Variants in PGR observed in about 807,000 individuals in gnomAD.
PGR encodes nuclear receptor subfamily 3 group C member 3.
In PGR, 25 loss-of-function variants were observed where a neutral mutation model predicts 76.1. The observed-to-expected ratio is 0.33, with a 90% CI of 0.24 to 0.46. PGR has a LOEUF of 0.46. Among genes scored for constraint, PGR ranks in the 20% least tolerant of loss-of-function variants. PGR has a pLI of 1.00. For missense variants in PGR, 1,172 were observed against 1,225.3 expected, an observed-to-expected ratio of 0.96 and a Z score of 0.65; for synonymous variants, 579 against 535.0, an observed-to-expected ratio of 1.08 and a Z score of -1.14.
intron 2 of PGR, among the ~76,000 whole-genome samples, chr11:101,115,314 C>T (rs2135492341): frequency 6.6e-6 from 1 of 151,908 alleles, no homozygotes; most frequent in East Asian, 1.9e-4. Context: ...ATCTTTTTCC[C>T]CTTGAAATCA....
At chr11:101,089,203 T>C (rs1861595185) in intron 3 of PGR, among the ~76,000 whole-genome samples, 1 of 151,876 alleles carries the variant, frequency 6.6e-6, no homozygotes. Flanking sequence ...TAAATAGAGC[T>C]GCGATAGCTG....
At chr11:101,122,747 GGGAAACCCAGTCATCCA>G (rs1379969845) in intron 2 of PGR, among the ~76,000 whole-genome samples, 1 of 152,040 alleles carries the variant, frequency 6.6e-6, no homozygotes, top group Non-Finnish European at 1.5e-5. Flanking sequence ...CTCATATCCA[GGGAAACCCAGTCATCCA>G]GAATGACTTT....
intron 4 of PGR, among the ~76,000 whole-genome samples, chr11:101,055,108 A>G (rs573849404): frequency 6.6e-6 from 1 of 152,184 alleles, no homozygotes; most frequent in East Asian, 1.9e-4. Flanking sequence ...AACAAATTAT[A>G]TATTTCATAT....
chr11:101,063,065 T>C, intron 3 of PGR: 1 of 258,068 alleles, frequency 3.9e-6, no homozygotes, highest in East Asian at 9.9e-5. Context: ...GGAGAAGATA[T>C]GAATAAAAAG....
At chr11:101,084,713 T>C (rs1287342901) in intron 3 of PGR, among the ~76,000 whole-genome samples, 1 of 150,090 alleles carries the variant, frequency 6.7e-6, no homozygotes, top group Non-Finnish European at 1.5e-5. Flanking sequence ...GACTCATCCA[T>C]CTTCTGTATT....
chr11:101,118,805 CAAG>C (rs1185344458), intron 2 of PGR, among the ~76,000 whole-genome samples: 1 of 152,156 alleles, frequency 6.6e-6, no homozygotes, highest in Non-Finnish European at 1.5e-5. Context: ...CATCTAGCCA[CAAG>C]AAGGATATTG....
At chr11:101,090,907 A>T (rs970307044) in intron 3 of PGR, among the ~76,000 whole-genome samples, 1 of 152,334 alleles carries the variant, frequency 6.6e-6, no homozygotes, top group Admixed American at 6.5e-5. Context: ...GCATTTCCCA[A>T]AGGAAAATAC....
chr11:101,084,840 T>A (rs1056495668), intron 3 of PGR, among the ~76,000 whole-genome samples: 2 of 152,174 alleles, frequency 1.3e-5, no homozygotes, highest in East Asian at 3.9e-4. Flanking sequence ...TTAGATTAGA[T>A]AAAACAGACT....
Position 101,091,799 on chromosome 11 carries a change from G to A in PGR, c.1867C>T (p.Arg623Cys), listed in dbSNP as rs752817186. 1.2e-6 allele frequency: 2 copies of A among 1,608,400 alleles called. No homozygotes were observed. Among genetic ancestry groups the A allele is most frequent in the Non-Finnish European group, 1.7e-6 (2 of 1,174,808 alleles). Residue 623 changes from arginine (R) to cysteine (C), a missense_variant, in exon 3 of 8, where the codon CGC becomes TGC. Around this residue, in one of 4 missense-constraint regions of PGR, gnomAD observed 40 missense variants for 82.7 expected, o/e 0.48. Transcript: ENST00000325455. ...KIRRKNCPAC[R>C]LRKCCQAGMV... ...CCAGCCTGACAGCACTTTCTAAGGC[G>A]ACATGCTGGGCAGTTTTTTCTGCGG...
chr11:101,067,334 G>C (rs921985308), intron 3 of PGR, among the ~76,000 whole-genome samples: 2 of 151,964 alleles, frequency 1.3e-5, no homozygotes, highest in East Asian at 1.9e-4. Flanking sequence ...GAAAGAAAAG[G>C]CATGAACAGA....
chr11:101,073,831 A>T (rs1181578230), intron 3 of PGR, among the ~76,000 whole-genome samples: 1 of 152,188 alleles, frequency 6.6e-6, no homozygotes, highest in Non-Finnish European at 1.5e-5. Flanking sequence ...AAATTGAGGC[A>T]GTAATTAATA....
At chr11:101,073,060 C>A (rs1860999483) in intron 3 of PGR, among the ~76,000 whole-genome samples, 1 of 152,110 alleles carries the variant, frequency 6.6e-6, no homozygotes, top group Non-Finnish European at 1.5e-5. Context: ...CTAAAATTGA[C>A]CACATAATTG....
chr11:101,092,403 C>T (rs1236726286), intron 2 of PGR, among the ~76,000 whole-genome samples: 3 of 152,158 alleles, frequency 2.0e-5, no homozygotes, highest in Admixed American at 6.5e-5. Context: ...AATGGAAGAG[C>T]ATGTAAAAAA....
intron 2 of PGR, among the ~76,000 whole-genome samples, chr11:101,101,782 T>G (rs1862004141): frequency 6.6e-6 from 1 of 152,212 alleles, no homozygotes; most frequent in Non-Finnish European, 1.5e-5. Context: ...GTTTGAAAAA[T>G]TAGTATCTAA....
At position 101,127,371 on chromosome 11, in the gene PGR, C is replaced by T. The variant is rs11571154; in HGVS notation, c.1637+63G>A. 4,450 of 1,280,976 alleles carry T rather than the reference C, an allele frequency of 3.5e-3. 107 individuals carry two copies. In the African/African-American group the frequency reaches 0.064, roughly 19 times the overall value. 79.4% of individuals were successfully genotyped at this position (1,280,976 alleles called of 1,614,324 possible). ...GGGGCTGGGGCTGAGGGTTGGCGGCCGCCGCCGCCAACGGAACCGCTACTC... is the reference window on the plus strand; with the variant it reads ...GGGGCTGGGGCTGAGGGTTGGCGGCTGCCGCCGCCAACGGAACCGCTACTC... On this transcript the variant is annotated intron_variant, in intron 1 of 7. Transcript: ENST00000325455.
chr11:101,084,734 A>T (rs867789424), intron 3 of PGR, among the ~76,000 whole-genome samples: 9 of 152,230 alleles, frequency 5.9e-5, no homozygotes, highest in Middle Eastern at 6.8e-3. Context: ...CAAGAAACCC[A>T]TCTCACATGT....
At chr11:101,118,520 C>T (rs1591430774) in intron 2 of PGR, among the ~76,000 whole-genome samples, 1 of 152,046 alleles carries the variant, frequency 6.6e-6, no homozygotes, top group Admixed American at 6.6e-5. Context: ...AAATACTATG[C>T]TTTAAGAAAA....
intron 3 of PGR, among the ~76,000 whole-genome samples, chr11:101,080,033 C>T (rs1565348229): frequency 6.6e-6 from 1 of 152,092 alleles, no homozygotes; most frequent in African/African-American, 2.4e-5. Context: ...TGGTGGCCAC[C>T]CACTGGATTC....
chr11:101,034,787 T>G lies in PGR; in HGVS notation c.*4329A>C, dbSNP rs1859456702. On this transcript the variant is annotated 3_prime_UTR_variant, in exon 8 of 8. Transcript: ENST00000325455. ...TGACTAATCTGGCTTGGATTATATT[T>G]TATAATATGGGTGAAGAGTCAGTTG... 1 of 176,942 alleles carries G rather than the reference T, an allele frequency of 5.7e-6. No individual in the cohort carries two copies. Among genetic ancestry groups the G allele is most frequent in the Non-Finnish European group, 1.2e-5 (1 of 82,172 alleles). 11.0% of individuals were successfully genotyped at this position (176,942 alleles called of 1,614,324 possible).
Sources: allele counts gnomAD v4.1 joint callset (sites outside exome capture counted in the v4.1 genomes callset), GRCh38; gene constraint gnomAD v4.1.1; regional missense constraint gnomAD v4.1.1; transcripts MANE v1.5; gene names NCBI Gene and HGNC (gene_info 2026-07-23, HGNC 2026-07-21).